Variants in DKK4 observed in about 807,000 individuals in gnomAD.
DKK4 encodes dickkopf-related protein 4.
Under a neutral mutation model 14.5 loss-of-function variants are expected in DKK4, and 15 were observed. That is an observed-to-expected ratio of 1.03 (90% CI 0.69 to 1.59). DKK4 has a LOEUF of 1.59. DKK4 is among the 40% of genes most tolerant of loss of function. The probability of loss-of-function intolerance (pLI) is 0.00; values close to 1 mark genes in which losing one functional copy is unlikely to be tolerated. For synonymous variants in DKK4, 89 were observed against 105.2 expected (o/e 0.85, Z 0.94); for missense variants, 272 against 280.3 (o/e 0.97, Z 0.21).
the DKK4 span, among the ~76,000 whole-genome samples, chr8:42,391,264 G>GC: frequency 6.6e-6 from 1 of 151,054 alleles, no homozygotes; most frequent in Non-Finnish European, 1.5e-5. Flanking sequence ...GTGGGCTCAG[G>GC]CCTGTGATCC....
chr8:42,379,410 GAGAGAGAGAGAGAGAGAA>G (rs1240506641), upstream of DKK4, among the ~76,000 whole-genome samples: 4 of 131,888 alleles, frequency 3.0e-5, no homozygotes, highest in Admixed American at 1.6e-4. Flanking sequence ...GAGAGAGAGA[GAGAGAGAGAGAGAGAGAA>G]AGATTCAGAC....
upstream of DKK4, among the ~76,000 whole-genome samples, chr8:42,379,427 A>AG (rs1491540805): frequency 5.8e-4 from 67 of 114,818 alleles, 3 homozygotes; most frequent in South Asian, 8.7e-4. Flanking sequence ...AGAGAGAGAG[A>AG]AAGATTCAGA....
rs1170478580 is a variant in DKK4, at chr8:42,374,272, G to C, written c.503C>G (p.Pro168Arg). Residue 168 changes from proline to arginine, a missense_variant, in exon 4 of 4, where the codon CCA becomes CGA. Transcript: ENST00000220812. ...ARHFWTKICKPVLLEGQVCSR... is the reference protein window; with the variant it reads ...ARHFWTKICKRVLLEGQVCSR... ...GCAGACCTGTCCCTCCAAAAGGACTGGCTTACAAATTTTCGTCCAAAAATG... is the reference window on the plus strand; with the variant it reads ...GCAGACCTGTCCCTCCAAAAGGACTCGCTTACAAATTTTCGTCCAAAAATG... 1.2e-6 allele frequency: 2 copies of C among 1,612,166 alleles called. No individual in the cohort carries two copies. Among genetic ancestry groups the C allele is most frequent in the South Asian group, 1.1e-5 (1 of 90,826 alleles).
chr8:42,382,115 A>G (rs940160623), upstream of DKK4, among the ~76,000 whole-genome samples: 2 of 152,216 alleles, frequency 1.3e-5, no homozygotes, highest in African/African-American at 2.4e-5. Flanking sequence ...GTCAATGGAC[A>G]TGTGTTCGAT....
At chr8:42,377,267 T>A, upstream of DKK4, 2 of 532,250 alleles carry the variant, frequency 3.8e-6, no homozygotes, top group South Asian at 2.7e-5. Context: ...TATAACCAGA[T>A]GTGCCTCCTC....
At chr8:42,385,716 A>G in the DKK4 span, among the ~76,000 whole-genome samples, 2 of 152,304 alleles carry the variant, frequency 1.3e-5, no homozygotes, top group African/African-American at 4.8e-5. Context: ...TTTCTGGTGG[A>G]AATTTCCCAT....
upstream of DKK4, among the ~76,000 whole-genome samples, chr8:42,379,574 G>A (rs1824634538): frequency 6.6e-6 from 1 of 151,604 alleles, no homozygotes; most frequent in Admixed American, 6.6e-5. Context: ...TATAAGGGTG[G>A]AGGACTTATG....
At chr8:42,383,887 G>A in the DKK4 span, among the ~76,000 whole-genome samples, 1 of 152,202 alleles carries the variant, frequency 6.6e-6, no homozygotes, top group South Asian at 2.1e-4. Context: ...AGGTTGCCGT[G>A]AGCCAAGATC....
chr8:42,389,120 T>C, the DKK4 span, among the ~76,000 whole-genome samples: 1 of 152,172 alleles, frequency 6.6e-6, no homozygotes, highest in East Asian at 1.9e-4. Flanking sequence ...AATTTTTGTA[T>C]TTTTTGTAGA....
chr8:42,379,701 T>C (rs551317540), upstream of DKK4, among the ~76,000 whole-genome samples: 1 of 152,074 alleles, frequency 6.6e-6, no homozygotes, highest in Admixed American at 6.5e-5. Flanking sequence ...GCTTCCTAAG[T>C]TGGGAAGTCG....
At chr8:42,385,309 T>C in the DKK4 span, among the ~76,000 whole-genome samples, 5 of 152,046 alleles carry the variant, frequency 3.3e-5, no homozygotes, top group African/African-American at 1.2e-4. Context: ...GGAGGATCGC[T>C]TGAGCCTAGG....
At chr8:42,386,762 T>G in the DKK4 span, among the ~76,000 whole-genome samples, 1 of 152,212 alleles carries the variant, frequency 6.6e-6, no homozygotes, top group Admixed American at 6.5e-5. Flanking sequence ...GTGCTGGGAT[T>G]ACAGGCGTGA....
the DKK4 span, among the ~76,000 whole-genome samples, chr8:42,388,478 C>A: frequency 7.3e-5 from 11 of 151,102 alleles, no homozygotes; most frequent in African/African-American, 2.7e-4. Context: ...GATCCACCCG[C>A]CCGAGCCTCC....
At position 42,375,666 on chromosome 8, in the gene DKK4, G is replaced by T. The variant is rs767247800; in HGVS notation, c.262+14C>A. The T allele has an allele frequency of 1.2e-6, 2 of 1,612,570 alleles. No individual in the cohort carries two copies. The highest frequency in any genetic ancestry group is 1.7e-6 in the Non-Finnish European group (2 of 1,179,978). ...CTTCGGTTTAAAAACCACTGTTGGC[G>T]TTATGTCGCTCACCGTTCACACAGA... On this transcript the variant is annotated intron_variant, in intron 2 of 3. Coordinates refer to ENST00000220812, the MANE Select transcript of DKK4 (RefSeq NM_014420.3).
upstream of DKK4, among the ~76,000 whole-genome samples, chr8:42,379,387 A>AGAGG: frequency 2.1e-5 from 1 of 46,610 alleles, no homozygotes; most frequent in African/African-American, 1.1e-4. Context: ...ATAGAGAGAG[A>AGAGG]GAGAGAGAGA....
At chr8:42,374,694 A>G in intron 3 of DKK4, 67 bp downstream of exon 3, 1 of 1,596,222 alleles carries the variant, frequency 6.3e-7, no homozygotes. Context: ...GTCTCACCCT[A>G]TCCTTAAGAG....
chr8:42,386,251 A>G, the DKK4 span, among the ~76,000 whole-genome samples: 1 of 152,262 alleles, frequency 6.6e-6, no homozygotes, highest in East Asian at 1.9e-4. Flanking sequence ...CACTGCACCC[A>G]ACTTGATGTT....
At chr8:42,382,684 C>G in the DKK4 span, among the ~76,000 whole-genome samples, 17 of 152,242 alleles carry the variant, frequency 1.1e-4, no homozygotes, top group Admixed American at 1.1e-3. Flanking sequence ...CATACTGATG[C>G]CCCCTGGCAA....
chr8:42,375,873 C>G (rs766744391), intron 1 of DKK4, 43 bp from the exon 2 acceptor site: 5 of 1,604,576 alleles, frequency 3.1e-6, no homozygotes, highest in Non-Finnish European at 4.3e-6. Flanking sequence ...AAACCCCCAA[C>G]ACGATGGAAG....
Sources: allele counts gnomAD v4.1 joint callset (sites outside exome capture counted in the v4.1 genomes callset), GRCh38; gene constraint gnomAD v4.1.1; transcripts MANE v1.5; gene names NCBI Gene and HGNC (gene_info 2026-07-23, HGNC 2026-07-21).